The following ENTREP2 variants were observed in gnomAD, a reference collection of about 807,000 sequenced individuals.
ENTREP2 encodes the protein endosomal transmembrane epsin interactor 2, also known as protein ENTREP2.
the ENTREP2 span, among the ~76,000 whole-genome samples, chr15:29,262,191 C>T: frequency 0.15 from 22,506 of 151,804 alleles, 2,023 homozygotes; most frequent in Middle Eastern, 0.27. Context: ...TGGTTTCCTT[C>T]CATGGTTCCT....
the ENTREP2 span, chr15:29,381,828 G>A: frequency 6.4e-7 from 1 of 1,551,620 alleles, no homozygotes; most frequent in South Asian, 1.2e-5. Flanking sequence ...CCCGACAGCA[G>A]CACCTGGAAG....
the ENTREP2 span, among the ~76,000 whole-genome samples, chr15:29,362,217 T>A: frequency 6.6e-6 from 1 of 152,146 alleles, no homozygotes; most frequent in Non-Finnish European, 1.5e-5. Context: ...TAACTCACTC[T>A]TTCTCAGAAG....
At chr15:29,573,955 G>A in the ENTREP2 span, among the ~76,000 whole-genome samples, 1 of 152,086 alleles carries the variant, frequency 6.6e-6, no homozygotes, top group Non-Finnish European at 1.5e-5. Context: ...TAAATAGGGA[G>A]ATAAAAGTAG....
the ENTREP2 span, among the ~76,000 whole-genome samples, chr15:29,175,874 G>C: frequency 6.6e-6 from 1 of 152,344 alleles, no homozygotes; most frequent in East Asian, 1.9e-4. Context: ...CCAAAGTGCT[G>C]GGATAACAGG....
the ENTREP2 span, among the ~76,000 whole-genome samples, chr15:29,666,705 C>A: frequency 6.6e-6 from 1 of 152,182 alleles, no homozygotes; most frequent in African/African-American, 2.4e-5. Context: ...TGTCCTCTGC[C>A]AAGAAAGCTC....
At chr15:29,599,077 A>G in the ENTREP2 span, among the ~76,000 whole-genome samples, 1 of 152,220 alleles carries the variant, frequency 6.6e-6, no homozygotes, top group African/African-American at 2.4e-5. Flanking sequence ...CTTTTAGAAC[A>G]TGTTGATAGC....
At chr15:29,539,932 G>A in the ENTREP2 span, among the ~76,000 whole-genome samples, 1 of 152,048 alleles carries the variant, frequency 6.6e-6, no homozygotes, top group Admixed American at 6.6e-5. Context: ...CTGCAAACGT[G>A]GCCACCAACA....
At chr15:29,141,335 T>C in the ENTREP2 span, among the ~76,000 whole-genome samples, 1 of 152,192 alleles carries the variant, frequency 6.6e-6, no homozygotes, top group Non-Finnish European at 1.5e-5. Flanking sequence ...CTCAGTCCCC[T>C]TCCCTGAGAA....
At chr15:29,193,940 A>G in the ENTREP2 span, among the ~76,000 whole-genome samples, 1 of 152,210 alleles carries the variant, frequency 6.6e-6, no homozygotes, top group South Asian at 2.1e-4. Context: ...AGATCTATAT[A>G]CTGAAATTTA....
the ENTREP2 span, among the ~76,000 whole-genome samples, chr15:29,632,194 G>C: frequency 1.3e-5 from 2 of 152,212 alleles, no homozygotes; most frequent in Non-Finnish European, 2.9e-5. Context: ...CACCACCTCA[G>C]TCCTCAAGTC....
the ENTREP2 span, among the ~76,000 whole-genome samples, chr15:29,589,685 G>A: frequency 6.6e-6 from 1 of 152,160 alleles, no homozygotes; most frequent in Non-Finnish European, 1.5e-5. Flanking sequence ...ACAGCTATTC[G>A]GATGTCAACT....
At chr15:29,185,288 C>T in the ENTREP2 span, among the ~76,000 whole-genome samples, 2 of 152,036 alleles carry the variant, frequency 1.3e-5, no homozygotes, top group Admixed American at 6.6e-5. Flanking sequence ...CTATCGGTTT[C>T]GGAATCACAC....
chr15:29,402,251 A>AAT, the ENTREP2 span, among the ~76,000 whole-genome samples: 148 of 111,882 alleles, frequency 1.3e-3, 3 homozygotes, highest in African/African-American at 3.2e-3. Flanking sequence ...ATTATAGAAG[A>AAT]ATATATATAT....
At chr15:29,259,336 T>G in the ENTREP2 span, among the ~76,000 whole-genome samples, 2 of 152,244 alleles carry the variant, frequency 1.3e-5, no homozygotes, top group East Asian at 3.8e-4. Context: ...TATTTCCTTC[T>G]TGACCAATCT....
chr15:29,329,211 A>C, the ENTREP2 span, among the ~76,000 whole-genome samples: 1 of 151,994 alleles, frequency 6.6e-6, no homozygotes, highest in Non-Finnish European at 1.5e-5. Context: ...AAAATACAAA[A>C]AATTAGCCGG....
chr15:29,571,386 G>A, the ENTREP2 span, among the ~76,000 whole-genome samples: 2 of 150,898 alleles, frequency 1.3e-5, no homozygotes, highest in African/African-American at 5.0e-5. Context: ...GCTGAGGACG[G>A]GGAGACGGGC....
the ENTREP2 span, among the ~76,000 whole-genome samples, chr15:29,640,883 T>G: frequency 6.6e-6 from 1 of 152,150 alleles, no homozygotes; most frequent in Non-Finnish European, 1.5e-5. Flanking sequence ...AAGAGAAAAC[T>G]ACAGACCAGT....
the ENTREP2 span, among the ~76,000 whole-genome samples, chr15:29,644,835 A>G: frequency 6.6e-6 from 1 of 151,812 alleles, no homozygotes; most frequent in South Asian, 2.1e-4. Context: ...AAAGAAAAAA[A>G]AAGAAAGAAA....
At chr15:29,631,550 G>C in the ENTREP2 span, among the ~76,000 whole-genome samples, 1 of 152,222 alleles carries the variant, frequency 6.6e-6, no homozygotes, top group Non-Finnish European at 1.5e-5. Flanking sequence ...ATGTACATCT[G>C]CATGTGTGAA....
Sources: gnomAD v4.1 joint callset for allele counts (sites outside exome capture counted in the v4.1 genomes callset) on GRCh38, gnomAD v4.1.1 for gene constraint, MANE v1.5 for transcripts, NCBI Gene and HGNC (gene_info 2026-07-23, HGNC 2026-07-21) for gene names.